Variants in MGAT4C observed in about 807,000 individuals in gnomAD.
MGAT4C encodes the protein alpha-1,3-mannosyl-glycoprotein 4-beta-N-acetylglucosaminyltransferase C.
A neutral mutation model predicts 40.1 loss-of-function variants in MGAT4C; 19 were observed. The ratio of observed to expected loss-of-function variants is 0.47; its 90% CI spans 0.33 to 0.70. The LOEUF (loss-of-function observed/expected upper bound fraction) is 0.70, where lower values mean the gene tolerates loss of function less well. Among genes scored for constraint, MGAT4C ranks in the 30% least tolerant of loss-of-function variants. The probability of loss-of-function intolerance (pLI) is 0.02; values close to 1 mark genes in which losing one functional copy is unlikely to be tolerated. For missense variants in MGAT4C, 491 were observed against 563.2 expected, an observed-to-expected ratio of 0.87 and a Z score of 1.30; for synonymous variants, 181 against 187.1, an observed-to-expected ratio of 0.97 and a Z score of 0.27.
At position 85,972,563 on chromosome 12, in the gene MGAT4C, C is replaced by T. The variant is rs909137711; in HGVS notation, c.*6726G>A. The T allele has an allele frequency of 5.3e-5, 8 of 150,824 alleles. No individual in the cohort carries two copies. Among genetic ancestry groups the T allele is most frequent in the African/African-American group, 1.9e-4 (8 of 41,288 alleles). The allele number at this position is 150,824 out of a possible 1,614,324, so 9.3% of individuals were successfully genotyped here. A position where few individuals can be genotyped will look rare whatever the true frequency, so the allele number is the denominator to read the frequency against. On this transcript the variant is annotated 3_prime_UTR_variant, in exon 5 of 5. Coordinates refer to ENST00000611864, the MANE Select transcript of MGAT4C (RefSeq NM_001351288.2). ...AAGTGTGGGATATAGTTTACATTAC[C>T]GAGTTTATTTTCTAAGGGTAGTGAA...
At chr12:86,538,797 T>TG (rs1303158576) in intron 2 of MGAT4C, among the ~76,000 whole-genome samples, 4 of 151,646 alleles carry the variant, frequency 2.6e-5, no homozygotes, top group African/African-American at 9.7e-5. Flanking sequence ...TTAGTAGAGG[T>TG]GGGGTTTCAC....
intron 2 of MGAT4C, among the ~76,000 whole-genome samples, chr12:86,461,141 A>G (rs957431850): frequency 6.6e-6 from 1 of 152,268 alleles, no homozygotes; most frequent in Admixed American, 6.5e-5. Flanking sequence ...AAACAGCATA[A>G]AATACCTACT....
At chr12:86,465,116 T>C (rs987269512) in intron 2 of MGAT4C, among the ~76,000 whole-genome samples, 66 of 152,150 alleles carry the variant, frequency 4.3e-4, no homozygotes, top group African/African-American at 1.6e-3. Context: ...GCCTGTACTC[T>C]CTCTCCACTG....
At chr12:86,514,099 CACACACACACA>C (rs1303814189) in intron 2 of MGAT4C, among the ~76,000 whole-genome samples, 16 of 150,816 alleles carry the variant, frequency 1.1e-4, no homozygotes, top group African/African-American at 3.7e-4. Flanking sequence ...CACACACACA[CACACACACACA>C]ACCCCGGCTT....
chr12:86,423,312 T>C (rs1956864915), intron 3 of MGAT4C, among the ~76,000 whole-genome samples: 1 of 151,766 alleles, frequency 6.6e-6, no homozygotes, highest in Non-Finnish European at 1.5e-5. Flanking sequence ...AGCAATATTA[T>C]TATTATTGTC....
intron 4 of MGAT4C, among the ~76,000 whole-genome samples, chr12:86,269,053 T>C (rs190332218): frequency 0.031 from 3,912 of 126,624 alleles, 170 homozygotes; most frequent in African/African-American, 0.073. Flanking sequence ...TATATATATA[T>C]ATATATATTC....
rs1962765523 is a variant in MGAT4C at position 86,625,185 on chromosome 12, C to T, written c.-229+102024G>A. ...TTTGCTCTCTCTGCTCTCTCTCCTGCCACCTTGTGAAGAAGGTGCCTGGTT... is the reference window on the plus strand; with the variant it reads ...TTTGCTCTCTCTGCTCTCTCTCCTGTCACCTTGTGAAGAAGGTGCCTGGTT... On this transcript the variant is annotated intron_variant, in intron 2 of 7. Transcript: ENST00000548651. Among the ~76,000 whole-genome samples the T allele has an allele frequency of 2.0e-5, 3 of 152,204 alleles. No individual in the cohort carries two copies. In the South Asian group the frequency reaches 6.2e-4, roughly 32 times the overall value.
At chr12:86,095,555 T>G (rs1360752998) in intron 1 of MGAT4C, among the ~76,000 whole-genome samples, 1 of 151,986 alleles carries the variant, frequency 6.6e-6, no homozygotes, top group African/African-American at 2.4e-5. Flanking sequence ...GATTGCATTT[T>G]ATTCTAGGGG....
intron 2 of MGAT4C, among the ~76,000 whole-genome samples, chr12:86,458,786 A>T (rs1411068425): frequency 6.6e-6 from 1 of 152,176 alleles, no homozygotes; most frequent in Non-Finnish European, 1.5e-5. Context: ...TTTGCAAAAG[A>T]TATTTATATG....
At chr12:86,804,497 A>T (rs901379111) in intron 1 of MGAT4C, among the ~76,000 whole-genome samples, 1 of 151,856 alleles carries the variant, frequency 6.6e-6, no homozygotes, top group South Asian at 2.1e-4. Context: ...AATTAGCTAC[A>T]TCATTTTATT....
intron 3 of MGAT4C, among the ~76,000 whole-genome samples, chr12:86,348,059 T>C (rs1955078112): frequency 6.6e-6 from 1 of 152,156 alleles, no homozygotes; most frequent in Non-Finnish European, 1.5e-5. Flanking sequence ...TGTGTGTAAA[T>C]TATACTTCTT....
intron 2 of MGAT4C, among the ~76,000 whole-genome samples, chr12:86,591,585 A>G (rs1961333003): frequency 6.6e-6 from 1 of 151,900 alleles, no homozygotes; most frequent in Admixed American, 6.6e-5. Context: ...AAAATTAAAG[A>G]GAATACTTAA....
At chr12:86,746,435 T>C (rs1250082762) in intron 1 of MGAT4C, among the ~76,000 whole-genome samples, 1 of 151,558 alleles carries the variant, frequency 6.6e-6, no homozygotes, top group Non-Finnish European at 1.5e-5. Flanking sequence ...TTACCCACTG[T>C]ACTGGACTAC....
chr12:86,830,716 GAAACAAACAAACAAAC>G (rs3050182), intron 1 of MGAT4C, among the ~76,000 whole-genome samples: 194 of 149,712 alleles, frequency 1.3e-3, no homozygotes, highest in East Asian at 1.8e-3. Context: ...GGCTCCTAAT[GAAACAAACAAACAAAC>G]AAACAAACAA....
At chr12:86,294,970 A>G (rs985778650) in intron 4 of MGAT4C, among the ~76,000 whole-genome samples, 6 of 152,134 alleles carry the variant, frequency 3.9e-5, no homozygotes, top group African/African-American at 4.8e-5. Context: ...TGTCACATAA[A>G]TCTTCTTCAA....
chr12:86,423,642 G>A (rs950243247), intron 3 of MGAT4C, among the ~76,000 whole-genome samples: 2 of 151,980 alleles, frequency 1.3e-5, no homozygotes, highest in Non-Finnish European at 2.9e-5. Flanking sequence ...AATGATACTG[G>A]AAATGACTCA....
At chr12:86,581,850 A>T (rs1252448191) in intron 2 of MGAT4C, among the ~76,000 whole-genome samples, 1 of 151,444 alleles carries the variant, frequency 6.6e-6, no homozygotes, top group African/African-American at 2.4e-5. Context: ...CAATTAAGGA[A>T]TGTGCTGTGC....
At chr12:86,770,866 A>T (rs2136168015) in intron 1 of MGAT4C, among the ~76,000 whole-genome samples, 1 of 152,254 alleles carries the variant, frequency 6.6e-6, no homozygotes, top group South Asian at 2.1e-4. Flanking sequence ...ATATTATTAT[A>T]AATATGACAT....
intron 2 of MGAT4C, among the ~76,000 whole-genome samples, chr12:86,635,839 G>C (rs1202975315): frequency 6.6e-6 from 1 of 151,254 alleles, no homozygotes; most frequent in Non-Finnish European, 1.5e-5. Context: ...CCATGTTCAG[G>C]TAATTTTTTT....
Sources: gnomAD v4.1 joint callset for allele counts (sites outside exome capture counted in the v4.1 genomes callset) on GRCh38, gnomAD v4.1.1 for gene constraint, MANE v1.5 for transcripts, NCBI Gene and HGNC (gene_info 2026-07-23, HGNC 2026-07-21) for gene names.